Variants in SYT1 observed in about 807,000 individuals in gnomAD.
SYT1 encodes synaptotagmin 1.
In SYT1, 8 loss-of-function variants were observed where a neutral mutation model predicts 44.8. The observed-to-expected ratio is 0.18, with a 90% CI of 0.10 to 0.32. The LOEUF is 0.32. Ranked by LOEUF, SYT1 falls within the 10% of genes least tolerant of loss-of-function variation. The pLI, the probability that SYT1 is intolerant of heterozygous loss-of-function variation, is 1.00. For synonymous variants in SYT1, 154 were observed against 188.8 expected (o/e 0.82, Z 1.51); for missense variants, 286 against 509.3 (o/e 0.56, Z 4.22).
At chr12:78,959,699 A>C (rs1480590275) in intron 1 of SYT1, among the ~76,000 whole-genome samples, 8 of 152,200 alleles carry the variant, frequency 5.3e-5, no homozygotes, top group Admixed American at 3.9e-4. Context: ...ATATGTGCCC[A>C]TCAGAGAAGG....
At chr12:79,013,529 G>A (rs772968021) in intron 2 of SYT1, among the ~76,000 whole-genome samples, 57 of 152,192 alleles carry the variant, frequency 3.7e-4, no homozygotes, top group Admixed American at 1.7e-3. Context: ...TTGTATAAGC[G>A]GTAGCCCTTT....
At chr12:78,977,155 G>C (rs1185612837) in intron 1 of SYT1, among the ~76,000 whole-genome samples, 1 of 152,130 alleles carries the variant, frequency 6.6e-6, no homozygotes, top group Non-Finnish European at 1.5e-5. Context: ...GGCAAAGAAA[G>C]TGAGGAAGGA....
chr12:79,308,612 A>AAGAAAGAAAGAAAGAAAG (rs1462021152), intron 8 of SYT1, among the ~76,000 whole-genome samples: 145 of 134,290 alleles, frequency 1.1e-3, no homozygotes, highest in African/African-American at 3.8e-3. Context: ...GAAAGAAAGA[A>AAGAAAGAAAGAAAGAAAG]AAAGAAAGAA....
chr12:78,983,451 T>C (rs1461141032), intron 2 of SYT1, among the ~76,000 whole-genome samples: 1 of 152,102 alleles, frequency 6.6e-6, no homozygotes, highest in Non-Finnish European at 1.5e-5. Context: ...GCATTTTCTA[T>C]ATTAAGTTGT....
At chr12:79,190,475 A>G (rs1326539673) in intron 3 of SYT1, among the ~76,000 whole-genome samples, 1 of 152,148 alleles carries the variant, frequency 6.6e-6, no homozygotes, top group Non-Finnish European at 1.5e-5. Context: ...GTAAGAAGCC[A>G]GAGCTCTGAC....
In SYT1 at chr12:79,263,606, T is replaced by C. The variant is rs370478832; in HGVS notation, c.167-22181T>C. Among the ~76,000 whole-genome samples the C allele has an allele frequency of 7.2e-5, 11 of 152,258 alleles. No individual in the cohort carries two copies. In the South Asian group the frequency reaches 2.3e-3, roughly 32 times the overall value. ...GAAATGGCTGGATTTAGTGATCCTGTAAGGTTAAAAACATTATAATATTTG... is the reference window on the plus strand; with the variant it reads ...GAAATGGCTGGATTTAGTGATCCTGCAAGGTTAAAAACATTATAATATTTG... On this transcript the variant is annotated intron_variant, in intron 4 of 10. Transcript: ENST00000261205.
rs1215621629 is a variant in SYT1, at chr12:79,021,606, C to A, written c.-83-25691C>A. On this transcript the variant is annotated intron_variant, in intron 2 of 10. Coordinates refer to ENST00000261205, the MANE Select transcript of SYT1 (RefSeq NM_005639.3). ...ATAAAAAAAGAACCATAGCATCATA[C>A]AATTTGAGAACTGAAAGGATGATCA... Among the ~76,000 whole-genome samples the A allele has an allele frequency of 2.6e-5, 4 of 151,708 alleles. No homozygotes were observed. In the Admixed American group the frequency reaches 2.6e-4, roughly 10 times the overall value.
chr12:79,026,832 A>T (rs946462509), intron 2 of SYT1, among the ~76,000 whole-genome samples: 1 of 150,734 alleles, frequency 6.6e-6, no homozygotes, highest in South Asian at 2.1e-4. Context: ...TTTCCTTTGG[A>T]TTTATCAAGA....
intron 4 of SYT1, among the ~76,000 whole-genome samples, chr12:79,281,313 A>G (rs913141566): frequency 1.3e-5 from 2 of 152,162 alleles, no homozygotes; most frequent in Non-Finnish European, 2.9e-5. Flanking sequence ...AGATATAGAT[A>G]GATATAGATA....
chr12:78,950,358 G>A (rs1878897217), intron 1 of SYT1, among the ~76,000 whole-genome samples: 1 of 151,906 alleles, frequency 6.6e-6, no homozygotes. Flanking sequence ...AAGCCATCAT[G>A]CAACATATGT....
intron 9 of SYT1, among the ~76,000 whole-genome samples, chr12:79,402,308 G>C (rs935559432): frequency 6.6e-6 from 1 of 152,156 alleles, no homozygotes; most frequent in Non-Finnish European, 1.5e-5. Flanking sequence ...AGTAAGTGCT[G>C]CCATGTAAAC....
intron 2 of SYT1, among the ~76,000 whole-genome samples, chr12:79,033,960 T>C (rs1356599738): frequency 6.6e-6 from 1 of 151,464 alleles, no homozygotes; most frequent in Non-Finnish European, 1.5e-5. Flanking sequence ...TTATGCCTAA[T>C]GTAATTCTAT....
chr12:79,100,526 T>C (rs1250533419), intron 3 of SYT1, among the ~76,000 whole-genome samples: 1 of 151,884 alleles, frequency 6.6e-6, no homozygotes, highest in Non-Finnish European at 1.5e-5. Flanking sequence ...CAAAACAATA[T>C]AGACACAACT....
intron 4 of SYT1, among the ~76,000 whole-genome samples, chr12:79,258,499 C>T (rs1464827470): frequency 2.0e-5 from 3 of 152,130 alleles, no homozygotes; most frequent in Non-Finnish European, 4.4e-5. Flanking sequence ...TGACAAATCA[C>T]GTATGGTGCG....
At chr12:79,155,416 C>G (rs942141445) in intron 3 of SYT1, among the ~76,000 whole-genome samples, 1 of 152,130 alleles carries the variant, frequency 6.6e-6, no homozygotes, top group Non-Finnish European at 1.5e-5. Context: ...TATAGAAATC[C>G]ATACTCAGCT....
intron 9 of SYT1, among the ~76,000 whole-genome samples, chr12:79,388,157 T>C (rs967883185): frequency 3.9e-5 from 6 of 152,218 alleles, no homozygotes; most frequent in African/African-American, 1.4e-4. Flanking sequence ...TACTGCATTG[T>C]ACAAACATTT....
chr12:78,963,722 T>G (rs1316105350), intron 1 of SYT1, among the ~76,000 whole-genome samples: 1 of 151,998 alleles, frequency 6.6e-6, no homozygotes, highest in Non-Finnish European at 1.5e-5. Context: ...ATGCTCTTGG[T>G]GAAAATGGAA....
At chr12:79,447,454 T>C (rs576856063) in intron 10 of SYT1, among the ~76,000 whole-genome samples, 61 of 152,222 alleles carry the variant, frequency 4.0e-4, no homozygotes, top group African/African-American at 1.3e-3. Context: ...AATGTAGAAA[T>C]AAACTACATA....
intron 3 of SYT1, among the ~76,000 whole-genome samples, chr12:79,141,206 A>G (rs1034991563): frequency 6.6e-6 from 1 of 152,126 alleles, no homozygotes; most frequent in Non-Finnish European, 1.5e-5. Flanking sequence ...TCACCCTACC[A>G]GCTTTATCTG....
Sources: allele counts gnomAD v4.1 joint callset (sites outside exome capture counted in the v4.1 genomes callset), GRCh38; gene constraint gnomAD v4.1.1; transcripts MANE v1.5; gene names NCBI Gene and HGNC (gene_info 2026-07-23, HGNC 2026-07-21).